NME7: variants seen among roughly 807,000 people sequenced by gnomAD.
NME7 encodes NME/NM23 family member 7, also known as nucleoside diphosphate kinase 7.
A neutral mutation model predicts 49.1 loss-of-function variants in NME7; 41 were observed. That is an observed-to-expected ratio of 0.83 (90% confidence interval 0.65 to 1.08). The LOEUF (loss-of-function observed/expected upper bound fraction) is 1.08. NME7 is among the 50% of genes least tolerant of loss of function. The pLI, the probability that NME7 is intolerant of heterozygous loss-of-function variation, is 0.00. For synonymous variants in NME7, 139 were observed against 150.6 expected (o/e 0.92, Z 0.56); for missense variants, 423 against 463.4 (o/e 0.91, Z 0.80).
At chr1:169,342,819 TATATATATATACAA>T (rs1380520206) in intron 1 of NME7, among the ~76,000 whole-genome samples, 4 of 69,806 alleles carry the variant, frequency 5.7e-5, no homozygotes, top group African/African-American at 7.4e-5. Context: ...ATATATATAG[TATATATATATACAA>T]GTACATATAT....
intron 11 of NME7, among the ~76,000 whole-genome samples, chr1:169,141,571 G>A (rs915442025): frequency 2.6e-5 from 4 of 152,140 alleles, no homozygotes; most frequent in Non-Finnish European, 4.4e-5. Context: ...TCCTCATAAA[G>A]GATGTTGTCA....
chr1:169,137,234 G>A (rs1658458621), intron 11 of NME7, among the ~76,000 whole-genome samples: 1 of 152,258 alleles, frequency 6.6e-6, no homozygotes, highest in African/African-American at 2.4e-5. Context: ...CACATGCCTA[G>A]AAGAGCCTTG....
intron 10 of NME7, among the ~76,000 whole-genome samples, chr1:169,219,793 A>C (rs2101804552): frequency 6.6e-6 from 1 of 152,316 alleles, no homozygotes; most frequent in Admixed American, 6.5e-5. Flanking sequence ...CCAATAAATA[A>C]ACATGATATC....
At chr1:169,276,892 T>C (rs1649756718) in intron 7 of NME7, among the ~76,000 whole-genome samples, 1 of 149,256 alleles carries the variant, frequency 6.7e-6, no homozygotes, top group East Asian at 2.0e-4. Flanking sequence ...GTTGTCTCTT[T>C]GTTCTCGTTG....
Position 169,230,773 on chromosome 1 carries a change from A to C in NME7, c.935T>G (p.Ile312Ser), listed in dbSNP as rs752700985. 4 of 1,607,606 alleles carry C rather than the reference A, an allele frequency of 2.5e-6. No homozygotes were observed. Among genetic ancestry groups the C allele is most frequent in the Non-Finnish European group, 3.4e-6 (4 of 1,177,320 alleles). The change falls in exon 10 of 12, where the codon ATT becomes AGT. Residue 312 changes from isoleucine (I) to serine (S), a missense_variant. Ile to Ser is a moderately radical substitution (Grantham distance 142, BLOSUM62 -2). Coordinates refer to ENST00000367811, the MANE Select transcript of NME7 (RefSeq NM_013330.5). ...MYSGPCVAME[I>S]QQNNATKTFR... ...TGTCTTTGTAGCATTATTCTGTTGA[A>C]TCTCCATTGCTACACAAGGGCCAGA...
chr1:169,309,784 G>A (rs907915922), intron 4 of NME7, among the ~76,000 whole-genome samples, 186 bp downstream of exon 4: 2 of 152,032 alleles, frequency 1.3e-5, no homozygotes, highest in Non-Finnish European at 2.9e-5. Context: ...AAATCTTTTA[G>A]GGGGCCGGCT....
At chr1:169,145,846 A>G (rs891931779) in intron 11 of NME7, among the ~76,000 whole-genome samples, 2 of 152,256 alleles carry the variant, frequency 1.3e-5, no homozygotes, top group African/African-American at 4.8e-5. Flanking sequence ...TGCACAGTGC[A>G]TACCACAAGA....
chr1:169,303,888 T>C (rs1045196019), intron 4 of NME7, among the ~76,000 whole-genome samples: 3 of 152,364 alleles, frequency 2.0e-5, no homozygotes, highest in African/African-American at 4.8e-5. Flanking sequence ...TAAAAATTTG[T>C]CATTTTTTTC....
chr1:169,157,621 A>T (rs1659116496), intron 11 of NME7, among the ~76,000 whole-genome samples: 1 of 152,180 alleles, frequency 6.6e-6, no homozygotes, highest in South Asian at 2.1e-4. Flanking sequence ...CCTTCCACAG[A>T]AGCCACAGAT....
chr1:169,283,510 C>T (rs544465006), intron 7 of NME7, among the ~76,000 whole-genome samples: 1 of 152,210 alleles, frequency 6.6e-6, no homozygotes, highest in Admixed American at 6.5e-5. Context: ...GGTTGTTTTG[C>T]CCATTAGTTA....
At chr1:169,195,313 G>A (rs1252227854) in intron 10 of NME7, among the ~76,000 whole-genome samples, 1 of 152,152 alleles carries the variant, frequency 6.6e-6, no homozygotes, top group Non-Finnish European at 1.5e-5. Context: ...CTGAGCTCAA[G>A]GGATCCTCCC....
intron 7 of NME7, among the ~76,000 whole-genome samples, chr1:169,243,065 A>G (rs1648159667): frequency 6.6e-6 from 1 of 152,160 alleles, no homozygotes; most frequent in Admixed American, 6.5e-5. Context: ...ATTATATGGT[A>G]AGATAAAGGA....
chr1:169,235,503 T>C (rs1027220481), intron 8 of NME7, among the ~76,000 whole-genome samples: 3 of 152,222 alleles, frequency 2.0e-5, no homozygotes, highest in South Asian at 2.1e-4. Context: ...AGAGGAGTCA[T>C]ACAACTTCCT....
At chr1:169,310,542 A>T (rs1317454113) in intron 3 of NME7, 1 of 153,310 alleles carries the variant, frequency 6.5e-6, no homozygotes, top group Non-Finnish European at 1.5e-5. Flanking sequence ...TTGACTCTTT[A>T]TTCATAACAT....
intron 10 of NME7, among the ~76,000 whole-genome samples, chr1:169,198,303 G>A (rs189174277): frequency 6.6e-6 from 1 of 152,088 alleles, no homozygotes; most frequent in Non-Finnish European, 1.5e-5. Context: ...AACTCTACTA[G>A]TTTTTCAAAT....
intron 11 of NME7, among the ~76,000 whole-genome samples, chr1:169,162,788 A>G (rs1419054688): frequency 2.6e-5 from 4 of 152,180 alleles, no homozygotes; most frequent in Non-Finnish European, 5.9e-5. Context: ...GCAGTGAGCC[A>G]TGATCACGAC....
chr1:169,169,348 A>G, intron 11 of NME7, 99 bp downstream of exon 11: 1 of 996,996 alleles, frequency 1.0e-6, no homozygotes, highest in East Asian at 2.4e-5. Flanking sequence ...TAGAACTTGA[A>G]GTATAACAAT....
In NME7 at chr1:169,151,913, C is replaced by G. The variant is rs548019731; in HGVS notation, c.1098+17534G>C. ...CCTGCCTTGCATCCTCATGGGAGCC[C>G]TCCCATGATAAATTTCCAATTTATC... On this transcript the variant is annotated intron_variant, in intron 11 of 11. Transcript: ENST00000367811. Among the ~76,000 whole-genome samples, 5 of 152,262 alleles carry G rather than the reference C, an allele frequency of 3.3e-5. 1 individual carries two copies. Among genetic ancestry groups the G allele is most frequent in the African/African-American group, 1.2e-4 (5 of 41,556 alleles).
chr1:169,237,810 T>A, intron 7 of NME7, 123 bp from the exon 8 acceptor site: 3 of 642,676 alleles, frequency 4.7e-6, no homozygotes, highest in Non-Finnish European at 8.2e-6. Flanking sequence ...AAAACACATA[T>A]TTTGCAAGAG....
Sources: allele counts gnomAD v4.1 joint callset (sites outside exome capture counted in the v4.1 genomes callset), GRCh38; gene constraint gnomAD v4.1.1; transcripts MANE v1.5; gene names NCBI Gene and HGNC (gene_info 2026-07-23, HGNC 2026-07-21).